The following STPG2 variants were observed in gnomAD, a reference collection of about 807,000 sequenced individuals.
STPG2 encodes sperm tail PG-rich repeat containing 2, also known as sperm-tail PG-rich repeat-containing protein 2.
STPG2 carries 56 observed loss-of-function variants against 54.2 expected under a neutral mutation model. The observed-to-expected ratio is 1.03, with a 90% confidence interval of 0.83 to 1.29. The LOEUF is 1.29. STPG2 is among the 50% of genes most tolerant of loss of function. The pLI is 0.00. For missense variants in STPG2, 596 were observed against 544.9 expected (o/e 1.09, Z -0.93); for synonymous variants, 200 against 181.8 (o/e 1.10, Z -0.81).
chr4:98,034,872 T>A (rs1208671452), intron 5 of STPG2, among the ~76,000 whole-genome samples: 2 of 152,176 alleles, frequency 1.3e-5, no homozygotes, highest in South Asian at 2.1e-4. Flanking sequence ...TAATAAATAA[T>A]GTTGAGAAAA....
chr4:98,014,228 C>A (rs540784686), intron 5 of STPG2, among the ~76,000 whole-genome samples: 1 of 152,128 alleles, frequency 6.6e-6, no homozygotes, highest in African/African-American at 2.4e-5. Flanking sequence ...TCATTATTTA[C>A]CCATGAGTCA....
chr4:97,720,461 C>T (rs1056826369), intron 9 of STPG2, among the ~76,000 whole-genome samples: 3 of 151,946 alleles, frequency 2.0e-5, no homozygotes, highest in Non-Finnish European at 4.4e-5. Flanking sequence ...CTACTTCATG[C>T]TGCCTTCTTA....
At chr4:97,901,456 C>T (rs900801245) in intron 8 of STPG2, among the ~76,000 whole-genome samples, 1 of 151,664 alleles carries the variant, frequency 6.6e-6, no homozygotes, top group Non-Finnish European at 1.5e-5. Flanking sequence ...ACTGCCCCCC[C>T]AAAAAAAGTT....
At chr4:98,070,974 T>C (rs1189168842) in intron 5 of STPG2, among the ~76,000 whole-genome samples, 1 of 152,156 alleles carries the variant, frequency 6.6e-6, no homozygotes, top group East Asian at 1.9e-4. Flanking sequence ...CCCATTAAAC[T>C]ACCATTTACA....
intron 10 of STPG2, among the ~76,000 whole-genome samples, chr4:97,596,755 T>C (rs957982802): frequency 2.6e-5 from 4 of 152,032 alleles, no homozygotes; most frequent in East Asian, 1.9e-4. Context: ...CTCTGGGACA[T>C]AGCTAAAGCA....
At chr4:97,506,155 A>C (rs575764960) in intron 4 of STPG2, among the ~76,000 whole-genome samples, 66 of 151,854 alleles carry the variant, frequency 4.3e-4, no homozygotes, top group Admixed American at 2.8e-3. Context: ...TTAGACACTG[A>C]CTGGATTGAG....
chr4:97,492,286 T>C lies in STPG2; in HGVS notation c.462+220413A>G, dbSNP rs1366544106. Among the ~76,000 whole-genome samples, 8 of 151,616 alleles carry C rather than the reference T, an allele frequency of 5.3e-5. No homozygotes were observed. In the South Asian group the frequency reaches 1.5e-3, roughly 28 times the overall value. On this transcript the variant is annotated intron_variant, in intron 4 of 4. Transcript: ENST00000522676. ...TCTCTTTGAGATATATGCAAATCTT[T>C]CTAAAATTCAATGAGCCTCTTGCCA...
intron 4 of STPG2, among the ~76,000 whole-genome samples, chr4:97,508,835 CT>C (rs1256664412): frequency 2.6e-5 from 4 of 152,030 alleles, no homozygotes; most frequent in Non-Finnish European, 5.9e-5. Flanking sequence ...TTTAATAGTG[CT>C]TTATACTAGA....
At chr4:97,460,881 CTT>C (rs1463910549) in intron 4 of STPG2, among the ~76,000 whole-genome samples, 3 of 152,148 alleles carry the variant, frequency 2.0e-5, no homozygotes, top group East Asian at 1.9e-4. Context: ...AAAATTTGCT[CTT>C]GAGTCTGGTT....
intron 6 of STPG2, among the ~76,000 whole-genome samples, chr4:97,976,723 C>T (rs1236022520): frequency 1.3e-5 from 2 of 152,094 alleles, no homozygotes; most frequent in Non-Finnish European, 2.9e-5. Flanking sequence ...CCATGATGGC[C>T]ATTCTTACTA....
chr4:97,616,914 T>C (rs990245289), intron 10 of STPG2, among the ~76,000 whole-genome samples: 1 of 152,136 alleles, frequency 6.6e-6, no homozygotes, highest in Non-Finnish European at 1.5e-5. Context: ...AGGGGGCATA[T>C]TATTTTAAAT....
In STPG2 at chr4:98,005,482, G is replaced by A. The variant is rs370631211; in HGVS notation, c.613-24164C>T. ...GTCTAGTTCTGGATCTTGAAAAAAC[G>A]TTTTCAGCTTTTCACTATTGACTAT... On this transcript the variant is annotated intron_variant, in intron 5 of 10. Transcript: ENST00000295268. Among the ~76,000 whole-genome samples, 37 of 152,188 alleles carry A rather than the reference G, an allele frequency of 2.4e-4. 1 individual carries two copies. The highest frequency in any genetic ancestry group is 7.2e-4 in the Admixed American group (11 of 15,298).
At chr4:97,851,271 C>T (rs1348114011) in intron 8 of STPG2, among the ~76,000 whole-genome samples, 2 of 152,124 alleles carry the variant, frequency 1.3e-5, no homozygotes, top group Non-Finnish European at 2.9e-5. Context: ...AATGTCTTTG[C>T]AAACAGTAAG....
chr4:97,651,835 T>C (rs1722078902), intron 10 of STPG2, among the ~76,000 whole-genome samples: 1 of 151,996 alleles, frequency 6.6e-6, no homozygotes. Context: ...TCACATTATT[T>C]AAAAGATTTT....
At chr4:98,005,528 C>T (rs1002258558) in intron 5 of STPG2, among the ~76,000 whole-genome samples, 2 of 152,140 alleles carry the variant, frequency 1.3e-5, no homozygotes, top group African/African-American at 4.8e-5. Context: ...GTGAGTTTGT[C>T]ATATATAGCC....
chr4:97,828,715 C>T (rs1358210999), intron 9 of STPG2, among the ~76,000 whole-genome samples: 1 of 152,232 alleles, frequency 6.6e-6, no homozygotes, highest in Non-Finnish European at 1.5e-5. Flanking sequence ...GCGGGAGGGG[C>T]ATCCACCACT....
intron 8 of STPG2, among the ~76,000 whole-genome samples, chr4:97,884,264 G>A (rs556661816): frequency 6.6e-5 from 10 of 152,198 alleles, no homozygotes; most frequent in South Asian, 2.1e-4. Context: ...GAGCTGAAAC[G>A]TGTCTTCCCA....
intron 10 of STPG2, among the ~76,000 whole-genome samples, chr4:97,619,765 A>G (rs910096888): frequency 6.6e-6 from 1 of 152,046 alleles, no homozygotes; most frequent in East Asian, 1.9e-4. Context: ...AAGTACTACT[A>G]AAGTGCCTTG....
At chr4:97,749,462 C>A (rs919944851) in intron 9 of STPG2, among the ~76,000 whole-genome samples, 4 of 151,352 alleles carry the variant, frequency 2.6e-5, no homozygotes, top group Non-Finnish European at 3.0e-5. Context: ...TAAGAACTTG[C>A]CAACTTAAGA....
Sources: gnomAD v4.1 joint callset for allele counts (sites outside exome capture counted in the v4.1 genomes callset) on GRCh38, gnomAD v4.1.1 for gene constraint, MANE v1.5 for transcripts, NCBI Gene and HGNC (gene_info 2026-07-23, HGNC 2026-07-21) for gene names.